The following CTBP2 variants were observed in gnomAD, a reference collection of about 807,000 sequenced individuals.
The protein encoded by CTBP2 is C-terminal-binding protein 2.
In CTBP2, 30 loss-of-function variants were observed where a neutral mutation model predicts 80.3. The observed-to-expected ratio is 0.37, with a 90% CI of 0.28 to 0.51. The LOEUF (loss-of-function observed/expected upper bound fraction) is 0.51. Among genes scored for constraint, CTBP2 ranks in the 20% least tolerant of loss-of-function variants. The probability of loss-of-function intolerance (pLI) is 0.93; values close to 1 mark genes in which losing one functional copy is unlikely to be tolerated. For missense variants in CTBP2, 1,212 were observed against 1,375.3 expected, an observed-to-expected ratio of 0.88 and a Z score of 1.88; for synonymous variants, 594 against 587.4, an observed-to-expected ratio of 1.01 and a Z score of -0.16.
intron 1 of CTBP2, among the ~76,000 whole-genome samples, chr10:125,025,415 A>G (rs1957432748): frequency 6.6e-6 from 1 of 152,212 alleles, no homozygotes; most frequent in African/African-American, 2.4e-5. Flanking sequence ...CCTTTCCTGG[A>G]CTTGGAAATA....
intron 2 of CTBP2, among the ~76,000 whole-genome samples, chr10:125,107,713 C>T (rs548817224): frequency 6.6e-6 from 1 of 152,298 alleles, no homozygotes; most frequent in East Asian, 1.9e-4. Context: ...GAGTTTCCAG[C>T]ACTGTGTCAC....
rs1957803311 is a variant in CTBP2 at position 125,027,756 on chromosome 10, G to A, written c.4C>T (p.Pro2Ser). The change falls in exon 1 of 9, where the codon CCA (proline) becomes TCA (serine). Residue 2 changes from proline (P) to serine (S), a missense_variant. Pro to Ser is a moderately conservative substitution (Grantham distance 74). Transcript: ENST00000309035. Reference sequence around the variant, plus strand: ...ATATTTATATGCCTGCTGGGAACTGGCATTGGAAAAAAAATGACTGCGGAT... The same window carrying A: ...ATATTTATATGCCTGCTGGGAACTGACATTGGAAAAAAAATGACTGCGGAT... The A allele has an allele frequency of 1.3e-6, 2 of 1,572,300 alleles. No homozygotes were observed. Among genetic ancestry groups the A allele is most frequent in the South Asian group, 1.1e-5 (1 of 87,276 alleles).
intron 8 of CTBP2, among the ~76,000 whole-genome samples, chr10:124,992,457 G>A (rs1952800661): frequency 1.3e-5 from 2 of 152,118 alleles, no homozygotes; most frequent in Admixed American, 6.5e-5. Context: ...TAGCACCTGT[G>A]GTCAATCACA....
At position 125,005,951 on chromosome 10, in the gene CTBP2, T is replaced by C. The variant is rs921036314; in HGVS notation, c.1679-2459A>G. The C allele has an allele frequency of 4.0e-5, 60 of 1,492,250 alleles. No homozygotes were observed. The Middle Eastern group carries it at 7.6e-4, about 19-fold the overall frequency. 92.4% of individuals were successfully genotyped at this position (1,492,250 alleles called of 1,614,324 possible). ...TGGTAGCCACACAGGAAAACCACGC[T>C]GGGCGCAAGGTGGGAATCCAGAGCC... is the stretch of plus-strand genomic sequence containing the variant. On this transcript the variant is annotated intron_variant, in intron 1 of 8. Coordinates refer to ENST00000309035, the MANE Select transcript of CTBP2 (RefSeq NM_022802.3).
At chr10:125,084,753 G>A (rs1847726163) in intron 2 of CTBP2, among the ~76,000 whole-genome samples, 1 of 151,822 alleles carries the variant, frequency 6.6e-6, no homozygotes, top group African/African-American at 2.4e-5. Flanking sequence ...CAGCAGCAGT[G>A]TCCCAGCACC....
intron 1 of CTBP2, among the ~76,000 whole-genome samples, chr10:125,008,511 G>A (rs892949313): frequency 7.2e-5 from 11 of 152,228 alleles, no homozygotes; most frequent in Non-Finnish European, 1.6e-4. Flanking sequence ...AGCCTCTGTG[G>A]AATGAGGGCA....
chr10:125,069,410 G>T (rs1208016548), intron 2 of CTBP2, among the ~76,000 whole-genome samples: 2 of 152,136 alleles, frequency 1.3e-5, no homozygotes, highest in Non-Finnish European at 2.9e-5. Context: ...CTGAGGTTGG[G>T]AGTTCAAGAC....
chr10:125,026,743 G>A lies in CTBP2; in HGVS notation c.1017C>T (p.Ala339=). ...TATTGGCCAGGCGGCTCAGAACACGGGCCTGGCCCAGGTTGGGTGCGACAG... is the reference window on the plus strand; with the variant it reads ...TATTGGCCAGGCGGCTCAGAACACGAGCCTGGCCCAGGTTGGGTGCGACAG... The change falls in exon 1 of 9, where the codon GCC becomes GCT. Residue 339 remains alanine, a synonymous_variant. Transcript: ENST00000309035. 1 of 1,612,990 alleles carries A rather than the reference G, an allele frequency of 6.2e-7. No homozygotes were observed. Among genetic ancestry groups the A allele is most frequent in the Non-Finnish European group, 8.5e-7 (1 of 1,179,952 alleles).
intron 2 of CTBP2, among the ~76,000 whole-genome samples, chr10:125,102,985 G>T (rs1252469406): frequency 2.0e-5 from 3 of 152,150 alleles, no homozygotes; most frequent in Non-Finnish European, 4.4e-5. Flanking sequence ...AGTACAGCTG[G>T]GTCCCCACAC....
At chr10:125,039,252 C>T (rs1054512756) in intron 2 of CTBP2, 97 bp from the exon 3 acceptor site, 4 of 514,846 alleles carry the variant, frequency 7.8e-6, no homozygotes, top group African/African-American at 3.9e-5. Context: ...TATAAGGGAA[C>T]CTGCCATGCG....
intron 1 of CTBP2, among the ~76,000 whole-genome samples, chr10:125,120,361 G>A (rs1263285076): frequency 6.6e-6 from 1 of 152,186 alleles, no homozygotes; most frequent in Admixed American, 6.5e-5. Context: ...ACTTACAAGC[G>A]TGACCAGCTT....
intron 4 of CTBP2, among the ~76,000 whole-genome samples, chr10:124,995,343 A>T (rs902513168): frequency 1.3e-5 from 2 of 152,192 alleles, no homozygotes; most frequent in Non-Finnish European, 2.9e-5. Context: ...CAGGATGAGG[A>T]GGTGTCTCCC....
At chr10:125,089,477 G>A (rs1322434659) in intron 2 of CTBP2, among the ~76,000 whole-genome samples, 3 of 152,158 alleles carry the variant, frequency 2.0e-5, no homozygotes, top group Non-Finnish European at 4.4e-5. Context: ...GCTATTAAAG[G>A]ACCCTTTTGT....
intron 2 of CTBP2, among the ~76,000 whole-genome samples, chr10:125,074,001 C>T (rs1590563060): frequency 6.6e-6 from 1 of 152,202 alleles, no homozygotes; most frequent in East Asian, 1.9e-4. Context: ...TTCTCAGTAC[C>T]TGTTCAGCTG....
At chr10:125,093,758 G>T (rs1047559342) in intron 2 of CTBP2, among the ~76,000 whole-genome samples, 17 of 152,150 alleles carry the variant, frequency 1.1e-4, no homozygotes, top group African/African-American at 4.1e-4. Context: ...GTGCCAGGAC[G>T]CTCAGGGGGC....
chr10:124,992,649 G>T, intron 8 of CTBP2, 46 bp downstream of exon 10: 1 of 1,442,808 alleles, frequency 6.9e-7, no homozygotes, highest in Non-Finnish European at 9.5e-7. Flanking sequence ...CTGGCCCCGG[G>T]GCCGTGGTGC....
chr10:125,042,360 G>C (rs1564784377), intron 2 of CTBP2, among the ~76,000 whole-genome samples: 1 of 152,166 alleles, frequency 6.6e-6, no homozygotes, highest in Non-Finnish European at 1.5e-5. Flanking sequence ...CTGGCTCTGG[G>C]CTCCCTGACA....
intron 1 of CTBP2, among the ~76,000 whole-genome samples, chr10:125,141,320 G>C (rs563871585): frequency 6.6e-6 from 1 of 152,212 alleles, no homozygotes; most frequent in Non-Finnish European, 1.5e-5. Flanking sequence ...CTAGTGACTA[G>C]CGTCCTATTT....
At chr10:125,122,155 C>T (rs555780555) in intron 1 of CTBP2, among the ~76,000 whole-genome samples, 4 of 152,204 alleles carry the variant, frequency 2.6e-5, no homozygotes, top group East Asian at 3.8e-4. Context: ...TTGATTCATG[C>T]GCATCAAGTC....
Sources: allele counts gnomAD v4.1 joint callset (sites outside exome capture counted in the v4.1 genomes callset), GRCh38; gene constraint gnomAD v4.1.1; transcripts MANE v1.5; gene names NCBI Gene and HGNC (gene_info 2026-07-23, HGNC 2026-07-21).